HDAC9: variants seen among roughly 807,000 people sequenced by gnomAD.
The protein encoded by HDAC9 is histone deacetylase 9.
HDAC9 carries 41 observed loss-of-function variants against 139.4 expected under a neutral mutation model. The ratio of observed to expected loss-of-function variants is 0.29; its 90% CI spans 0.23 to 0.38. The LOEUF (loss-of-function observed/expected upper bound fraction) is 0.38, where lower values mean the gene tolerates loss of function less well. Among genes scored for constraint, HDAC9 ranks in the 10% least tolerant of loss-of-function variants. HDAC9 has a pLI of 1.00. For synonymous variants in HDAC9, 517 were observed against 476.2 expected, an observed-to-expected ratio of 1.09 and a Z score of -1.12; for missense variants, 1,147 against 1,297.0, an observed-to-expected ratio of 0.88 and a Z score of 1.78.
At chr7:18,204,717 T>G (rs765171851) in intron 2 of HDAC9, among the ~76,000 whole-genome samples, 40 of 152,036 alleles carry the variant, frequency 2.6e-4, no homozygotes, top group Admixed American at 2.5e-3. Flanking sequence ...ATGTTCATGT[T>G]TTTGAGGTAT....
At chr7:18,660,892 T>C (rs1366015255) in intron 11 of HDAC9, among the ~76,000 whole-genome samples, 1 of 152,146 alleles carries the variant, frequency 6.6e-6, no homozygotes, top group African/African-American at 2.4e-5. Context: ...GTCGAAAGTC[T>C]ATGGACCATG....
chr7:18,863,399 C>A (rs1312522135), intron 21 of HDAC9, among the ~76,000 whole-genome samples: 1 of 152,164 alleles, frequency 6.6e-6, no homozygotes, highest in Admixed American at 6.5e-5. Flanking sequence ...GAACGTGGCC[C>A]AACACAAATT....
chr7:18,174,473 C>T (rs1408588808), intron 2 of HDAC9, among the ~76,000 whole-genome samples: 3 of 152,240 alleles, frequency 2.0e-5, no homozygotes, highest in Non-Finnish European at 4.4e-5. Context: ...AGTCATTCTC[C>T]GTCCAGCTTT....
intron 24 of HDAC9, among the ~76,000 whole-genome samples, chr7:18,966,887 T>C (rs752903205): frequency 1.3e-5 from 2 of 152,230 alleles, no homozygotes; most frequent in Non-Finnish European, 2.9e-5. Context: ...TATGTGTATA[T>C]TTGTTTTATG....
At chr7:18,844,560 G>A (rs756860052) in intron 21 of HDAC9, among the ~76,000 whole-genome samples, 13 of 152,020 alleles carry the variant, frequency 8.6e-5, no homozygotes, top group East Asian at 1.9e-4. Context: ...ATGTTGGCTC[G>A]CCTAGGATGT....
intron 14 of HDAC9, among the ~76,000 whole-genome samples, chr7:18,761,733 A>G (rs1449574019): frequency 1.3e-5 from 2 of 152,160 alleles, no homozygotes; most frequent in East Asian, 1.9e-4. Flanking sequence ...TTAAAATGAA[A>G]TGGTATTTAT....
chr7:18,740,398 T>A (rs955950111), intron 13 of HDAC9, among the ~76,000 whole-genome samples: 13 of 152,208 alleles, frequency 8.5e-5, no homozygotes, highest in African/African-American at 3.1e-4. Context: ...TTGGCCATTT[T>A]GGAATGGACC....
At chr7:18,159,650 T>G (rs777551420) in intron 1 of HDAC9, among the ~76,000 whole-genome samples, 8 of 152,196 alleles carry the variant, frequency 5.3e-5, no homozygotes, top group Non-Finnish European at 1.0e-4. Context: ...TGAAACATTT[T>G]AGGAGAACTC....
chr7:18,277,068 G>T (rs1255644039), intron 2 of HDAC9, among the ~76,000 whole-genome samples: 1 of 148,732 alleles, frequency 6.7e-6, no homozygotes, highest in East Asian at 2.0e-4. Context: ...AGTAATCATA[G>T]ATAGTTACAT....
At chr7:18,992,229 T>C (rs975169672) in intron 25 of HDAC9, among the ~76,000 whole-genome samples, 10 of 152,192 alleles carry the variant, frequency 6.6e-5, no homozygotes, top group African/African-American at 2.2e-4. Context: ...TCATGGTGAA[T>C]AGAGAGTTGG....
intron 6 of HDAC9, among the ~76,000 whole-genome samples, chr7:18,622,787 A>T (rs6974604): frequency 2.0e-5 from 3 of 151,708 alleles, no homozygotes; most frequent in African/African-American, 7.3e-5. Flanking sequence ...ATACCACACA[A>T]TGTGGTATTG....
intron 22 of HDAC9, among the ~76,000 whole-genome samples, chr7:18,926,599 G>A (rs550718260): frequency 6.6e-6 from 1 of 152,258 alleles, no homozygotes; most frequent in South Asian, 2.1e-4. Flanking sequence ...GTAAATAATA[G>A]TTGATTTGTA....
In HDAC9 at chr7:18,762,237, C is replaced by A. The variant is rs1229717040; in HGVS notation, c.2124C>A (p.Asn708Lys). Reference sequence around the variant, plus strand: ...ATCACTCACTGTTGTATGGCACCAACCCCCTGGACGGACAGAAGCTGGACC... The same window carrying A: ...ATCACTCACTGTTGTATGGCACCAAACCCCTGGACGGACAGAAGCTGGACC... ...SEHHSLLYGT[N>K]PLDGQKLDPR... The change falls in exon 15 of 26, where the codon AAC becomes AAA. Residue 708 changes from asparagine (N) to lysine (K), a missense_variant. By Grantham distance (94) the Asn-to-Lys change is moderately conservative. Around this residue, in one of 7 missense-constraint regions of HDAC9, gnomAD observed 407 missense variants for 521.5 expected, o/e 0.78. Coordinates refer to ENST00000686413, the MANE Select transcript of HDAC9 (RefSeq NM_178425.4). 6.2e-7 allele frequency: 1 copy of A among 1,613,436 alleles called. No homozygotes were observed. The highest frequency in any genetic ancestry group is 8.5e-7 in the Non-Finnish European group (1 of 1,179,660).
intron 2 of HDAC9, among the ~76,000 whole-genome samples, chr7:18,275,450 A>G (rs960713132): frequency 6.6e-6 from 1 of 152,082 alleles, no homozygotes; most frequent in African/African-American, 2.4e-5. Flanking sequence ...ATGTTGTATT[A>G]CTCTTTTTCT....
chr7:18,722,470 T>C (rs1178872317), intron 12 of HDAC9, among the ~76,000 whole-genome samples: 2 of 152,162 alleles, frequency 1.3e-5, no homozygotes, highest in Admixed American at 1.3e-4. Context: ...GCATGCTCTT[T>C]CATACTTACT....
At chr7:18,092,704 G>T (rs1261862446) in intron 1 of HDAC9, among the ~76,000 whole-genome samples, 2 of 152,168 alleles carry the variant, frequency 1.3e-5, no homozygotes, top group South Asian at 2.1e-4. Flanking sequence ...GCCAGGATAG[G>T]CATGATAGCC....
chr7:18,416,737 A>G (rs977040637), intron 1 of HDAC9, among the ~76,000 whole-genome samples: 1 of 152,182 alleles, frequency 6.6e-6, no homozygotes, highest in Non-Finnish European at 1.5e-5. Context: ...AATTTGTAGT[A>G]ATTAATGTCA....
chr7:18,561,822 C>T (rs894813206), intron 2 of HDAC9, among the ~76,000 whole-genome samples: 5 of 152,068 alleles, frequency 3.3e-5, no homozygotes, highest in Admixed American at 3.3e-4. Context: ...TTCGATATAC[C>T]ACATTTTATT....
intron 12 of HDAC9, among the ~76,000 whole-genome samples, chr7:18,699,473 A>C (rs1297383752): frequency 4.6e-5 from 7 of 152,282 alleles, no homozygotes; most frequent in African/African-American, 1.7e-4. Flanking sequence ...TCCAATCAGA[A>C]TTCCTTAGTG....
Sources: allele counts gnomAD v4.1 joint callset (sites outside exome capture counted in the v4.1 genomes callset), GRCh38; gene constraint gnomAD v4.1.1; regional missense constraint gnomAD v4.1.1; transcripts MANE v1.5; gene names NCBI Gene and HGNC (gene_info 2026-07-23, HGNC 2026-07-21).